The following PRKAR2B variants were observed in gnomAD, a reference collection of about 807,000 sequenced individuals.
PRKAR2B encodes protein kinase cAMP-dependent type II regulatory subunit beta.
In PRKAR2B, 14 loss-of-function variants were observed where a neutral mutation model predicts 49.9. The ratio of observed to expected loss-of-function variants is 0.28; its 90% CI spans 0.19 to 0.44. The LOEUF is 0.44. Ranked by LOEUF, PRKAR2B falls within the 20% of genes least tolerant of loss-of-function variation. PRKAR2B has a pLI of 1.00. For missense variants in PRKAR2B, 393 were observed against 537.9 expected, an observed-to-expected ratio of 0.73 and a Z score of 2.67; for synonymous variants, 196 against 197.7, an observed-to-expected ratio of 0.99 and a Z score of 0.07.
chr7:107,130,106 A>G lies in PRKAR2B; in HGVS notation c.480+1811A>G, dbSNP rs549771338. Reference sequence around the variant, plus strand: ...TGGTTCATGCACCTCGGACACTTTTATAGTTATCTAAGTATACATATTTAA... The same window carrying G: ...TGGTTCATGCACCTCGGACACTTTTGTAGTTATCTAAGTATACATATTTAA... On this transcript the variant is annotated intron_variant, in intron 4 of 10. Transcript: ENST00000265717. Among the ~76,000 whole-genome samples the G allele has an allele frequency of 2.0e-5, 3 of 152,314 alleles. No individual in the cohort carries two copies. The South Asian group carries it at 6.2e-4, about 32-fold the overall frequency.
At chr7:107,062,024 A>G (rs1794036834) in intron 1 of PRKAR2B, among the ~76,000 whole-genome samples, 1 of 152,204 alleles carries the variant, frequency 6.6e-6, no homozygotes, top group Non-Finnish European at 1.5e-5. Flanking sequence ...AACACACACA[A>G]GAATGGCTAA....
At chr7:107,065,229 G>A (rs1433926692) in intron 1 of PRKAR2B, among the ~76,000 whole-genome samples, 2 of 152,096 alleles carry the variant, frequency 1.3e-5, no homozygotes, top group Non-Finnish European at 2.9e-5. Context: ...TAGGGTATAC[G>A]AACACTTTTC....
Position 107,131,502 on chromosome 7 carries a change from T to C in PRKAR2B, c.480+3207T>C, listed in dbSNP as rs547152028. Among the ~76,000 whole-genome samples the C allele has an allele frequency of 1.2e-4, 19 of 152,316 alleles. No homozygotes were observed. The South Asian group carries it at 3.9e-3, about 32-fold the overall frequency. ...CTTTTTTTCACTGCTTTGCTGAAGG[T>C]CAATATGTATTTTAAAAACCAACAC... is the stretch of plus-strand genomic sequence containing the variant. On this transcript the variant is annotated intron_variant, in intron 4 of 10. Transcript: ENST00000265717.
chr7:107,086,456 T>A (rs186929255), intron 2 of PRKAR2B, among the ~76,000 whole-genome samples: 96 of 152,208 alleles, frequency 6.3e-4, no homozygotes, highest in Middle Eastern at 3.4e-3. Context: ...GGTTTTTTTT[T>A]AAATTAAAAG....
At chr7:107,141,849 G>A (rs1333447563) in intron 5 of PRKAR2B, among the ~76,000 whole-genome samples, 1 of 152,004 alleles carries the variant, frequency 6.6e-6, no homozygotes, top group Non-Finnish European at 1.5e-5. Context: ...TATTATATTT[G>A]TCTTAAAAAA....
At chr7:107,082,771 A>G (rs1479004295) in intron 2 of PRKAR2B, among the ~76,000 whole-genome samples, 6 of 149,220 alleles carry the variant, frequency 4.0e-5, no homozygotes, top group Admixed American at 4.0e-4. Context: ...TTTTTTTTGT[A>G]TTTTTGGTAG....
intron 2 of PRKAR2B, among the ~76,000 whole-genome samples, chr7:107,099,656 TGA>T (rs1465469093): frequency 7.3e-6 from 1 of 136,576 alleles, no homozygotes; most frequent in Non-Finnish European, 1.7e-5. Context: ...TTTTTTTTTT[TGA>T]GACGGAGTCT....
intron 2 of PRKAR2B, among the ~76,000 whole-genome samples, chr7:107,101,635 T>A (rs1217983353): frequency 1.3e-5 from 2 of 152,188 alleles, no homozygotes; most frequent in Non-Finnish European, 2.9e-5. Flanking sequence ...CCCTTCCTGC[T>A]TGTTTGTCGG....
intron 5 of PRKAR2B, among the ~76,000 whole-genome samples, chr7:107,143,784 A>T (rs1174853950): frequency 1.3e-5 from 2 of 152,186 alleles, no homozygotes; most frequent in Non-Finnish European, 2.9e-5. Context: ...AAATAAAATT[A>T]TATTGAGGCT....
At chr7:107,141,108 A>G (rs948561327) in intron 5 of PRKAR2B, among the ~76,000 whole-genome samples, 155 bp downstream of exon 5, 1 of 152,236 alleles carries the variant, frequency 6.6e-6, no homozygotes, top group South Asian at 2.1e-4. Flanking sequence ...TTGTGAGTAC[A>G]TGCAGTGAAA....
chr7:107,081,298 CTCA>C (rs1794509983), intron 2 of PRKAR2B, among the ~76,000 whole-genome samples: 1 of 152,224 alleles, frequency 6.6e-6, no homozygotes, highest in African/African-American at 2.4e-5. Context: ...ACCTCAGTCC[CTCA>C]TCATAAACTG....
In PRKAR2B at chr7:107,150,938, G is replaced by A; in HGVS notation, c.758G>A (p.Arg253Lys). Residue 253 changes from arginine (R) to lysine (K), a missense_variant, in exon 7 of 11, where the codon AGG becomes AAG. By Grantham distance (26) the Arg-to-Lys change is conservative. Around this residue, in one of 2 missense-constraint regions of PRKAR2B, gnomAD observed 233 missense variants for 390.4 expected, o/e 0.60. Transcript: ENST00000265717. Reference sequence around the variant, plus strand: ...TGCCTGTAGGACAGGGTAACCTTCAGGAGAATAATTGTGAAAAACAATGCC... The same window carrying A: ...TGCCTGTAGGACAGGGTAACCTTCAAGAGAATAATTGTGAAAAACAATGCC... ...ALWGLDRVTFRRIIVKNNAKK... is the reference protein window; with the variant it reads ...ALWGLDRVTFKRIIVKNNAKK... 1 of 1,596,518 alleles carries A rather than the reference G, an allele frequency of 6.3e-7. No homozygotes were observed. Among genetic ancestry groups the A allele is most frequent in the Non-Finnish European group, 8.5e-7 (1 of 1,171,682 alleles).
intron 1 of PRKAR2B, among the ~76,000 whole-genome samples, chr7:107,058,819 A>G (rs1793967031): frequency 6.6e-6 from 1 of 152,224 alleles, no homozygotes. Context: ...GTATCGGAGC[A>G]TAGTGAGAGA....
At chr7:107,057,775 AC>A (rs1348406400) in intron 1 of PRKAR2B, among the ~76,000 whole-genome samples, 1 of 152,090 alleles carries the variant, frequency 6.6e-6, no homozygotes, top group African/African-American at 2.4e-5. Context: ...TTAAAAAAAA[AC>A]ACAACAAAAC....
At chr7:107,086,486 CT>C (rs200022519) in intron 2 of PRKAR2B, among the ~76,000 whole-genome samples, 39 of 148,546 alleles carry the variant, frequency 2.6e-4, no homozygotes, top group African/African-American at 8.4e-4. Flanking sequence ...TCAGAAATGT[CT>C]TTTTTTTTTA....
chr7:107,106,583 C>T (rs1301393525), intron 2 of PRKAR2B, among the ~76,000 whole-genome samples: 1 of 152,198 alleles, frequency 6.6e-6, no homozygotes, highest in East Asian at 1.9e-4. Context: ...TGGACTCTCC[C>T]TCCATCTCCA....
chr7:107,151,627 C>T (rs776296469), intron 7 of PRKAR2B, among the ~76,000 whole-genome samples: 14 of 152,172 alleles, frequency 9.2e-5, no homozygotes, highest in Non-Finnish European at 1.9e-4. Context: ...ATGGAACATT[C>T]GAGCTCAGCC....
At chr7:107,082,412 G>C (rs1351592789) in intron 2 of PRKAR2B, among the ~76,000 whole-genome samples, 1 of 151,972 alleles carries the variant, frequency 6.6e-6, no homozygotes, top group Non-Finnish European at 1.5e-5. Flanking sequence ...TATATGAAGA[G>C]AGCTATTTAA....
At chr7:107,049,470 G>T (rs1793760050) in intron 1 of PRKAR2B, among the ~76,000 whole-genome samples, 1 of 152,144 alleles carries the variant, frequency 6.6e-6, no homozygotes, top group Non-Finnish European at 1.5e-5. Context: ...TCTTAACTCT[G>T]TCCCATGTCC....
Sources: gnomAD v4.1 joint callset for allele counts (sites outside exome capture counted in the v4.1 genomes callset) on GRCh38, gnomAD v4.1.1 for gene constraint, gnomAD v4.1.1 regional missense constraint, MANE v1.5 for transcripts, NCBI Gene and HGNC (gene_info 2026-07-23, HGNC 2026-07-21) for gene names.